MBNL2: variants seen among roughly 807,000 people sequenced by gnomAD.
MBNL2 encodes the protein muscleblind-like protein 2.
In MBNL2, 17 loss-of-function variants were observed where a neutral mutation model predicts 41.9. The ratio of observed to expected loss-of-function variants is 0.41; its 90% CI spans 0.28 to 0.61. The LOEUF (loss-of-function observed/expected upper bound fraction) is 0.61, where lower values mean the gene tolerates loss of function less well. MBNL2 is among the 20% of genes least tolerant of loss of function. The probability of loss-of-function intolerance (pLI) is 0.35; values close to 1 mark genes in which losing one functional copy is unlikely to be tolerated. For synonymous variants in MBNL2, 195 were observed against 182.9 expected, an observed-to-expected ratio of 1.07 and a Z score of -0.53; for missense variants, 336 against 505.6, an observed-to-expected ratio of 0.66 and a Z score of 3.22.
chr13:97,254,994 G>T (rs540993677), intron 1 of MBNL2, among the ~76,000 whole-genome samples: 5 of 152,294 alleles, frequency 3.3e-5, no homozygotes, highest in African/African-American at 4.8e-5. Context: ...TCCAACAAGG[G>T]TGAGTGATTC....
chr13:97,360,219 G>A (rs2063293873), intron 7 of MBNL2, among the ~76,000 whole-genome samples: 1 of 152,110 alleles, frequency 6.6e-6, no homozygotes, highest in Non-Finnish European at 1.5e-5. Flanking sequence ...ACCATTCATA[G>A]TTAAAGCTTT....
intron 1 of MBNL2, among the ~76,000 whole-genome samples, chr13:97,235,681 A>G (rs2043141102): frequency 6.6e-6 from 1 of 152,178 alleles, no homozygotes; most frequent in African/African-American, 2.4e-5. Context: ...GGTTAACAGA[A>G]TGGAGTCCTG....
chr13:97,183,845 CT>C, the MBNL2 span, among the ~76,000 whole-genome samples: 5 of 152,242 alleles, frequency 3.3e-5, no homozygotes, highest in South Asian at 2.1e-4. Flanking sequence ...TGTTGAATTG[CT>C]TCCATAAACA....
chr13:97,247,806 C>T (rs1333872935), intron 1 of MBNL2, among the ~76,000 whole-genome samples: 2 of 152,138 alleles, frequency 1.3e-5, no homozygotes, highest in Non-Finnish European at 2.9e-5. Flanking sequence ...GAATCTGCAG[C>T]CAATTAATTG....
At chr13:97,254,633 C>CCGCCT (rs1363177093) in intron 1 of MBNL2, among the ~76,000 whole-genome samples, 5 of 152,186 alleles carry the variant, frequency 3.3e-5, no homozygotes, top group African/African-American at 1.2e-4. Flanking sequence ...ACTGTTCCCC[C>CCGCCT]CGCCTCTCTT....
chr13:97,348,969 G>A (rs1026421394), intron 5 of MBNL2, among the ~76,000 whole-genome samples: 1 of 152,222 alleles, frequency 6.6e-6, no homozygotes, highest in Non-Finnish European at 1.5e-5. Flanking sequence ...GGTGCGGAGT[G>A]TGTGGTTCTA....
chr13:97,152,571 G>T, the MBNL2 span, among the ~76,000 whole-genome samples: 87 of 152,238 alleles, frequency 5.7e-4, 1 homozygote, highest in Admixed American at 1.8e-3. Flanking sequence ...TCAACATTCA[G>T]AATAGCATCA....
At chr13:97,195,380 C>T in the MBNL2 span, among the ~76,000 whole-genome samples, 3 of 152,254 alleles carry the variant, frequency 2.0e-5, no homozygotes, top group East Asian at 5.8e-4. Flanking sequence ...TCTCTCCCAA[C>T]CCTGCTCTCC....
At chr13:97,184,261 G>T in the MBNL2 span, among the ~76,000 whole-genome samples, 7 of 152,178 alleles carry the variant, frequency 4.6e-5, no homozygotes, top group Admixed American at 2.6e-4. Context: ...TCTAGTTCTT[G>T]TTACACAGAT....
At chr13:97,280,357 A>G (rs2053118299) in intron 2 of MBNL2, among the ~76,000 whole-genome samples, 1 of 152,174 alleles carries the variant, frequency 6.6e-6, no homozygotes, top group Non-Finnish European at 1.5e-5. Context: ...GGAAGTATTT[A>G]TTTGCTTAAA....
At chr13:97,245,938 A>T (rs1258503220) in intron 1 of MBNL2, among the ~76,000 whole-genome samples, 1 of 152,212 alleles carries the variant, frequency 6.6e-6, no homozygotes, top group Non-Finnish European at 1.5e-5. Flanking sequence ...GTGCCTTTAA[A>T]GCACCTACTA....
At chr13:97,186,837 C>T in the MBNL2 span, among the ~76,000 whole-genome samples, 10 of 152,176 alleles carry the variant, frequency 6.6e-5, no homozygotes, top group Admixed American at 4.6e-4. Context: ...TTTGATCATA[C>T]ACCAAAAAAA....
intron 3 of MBNL2, among the ~76,000 whole-genome samples, chr13:97,341,158 G>A (rs9554391): frequency 0.023 from 3,436 of 152,184 alleles, 127 homozygotes; most frequent in East Asian, 0.18. Flanking sequence ...CCTCACATAT[G>A]ACAATGCTCC....
chr13:97,254,818 C>T (rs1474147453), intron 1 of MBNL2, among the ~76,000 whole-genome samples: 1 of 152,124 alleles, frequency 6.6e-6, no homozygotes, highest in Non-Finnish European at 1.5e-5. Context: ...ACGACTGAAA[C>T]CCAATAGATG....
At chr13:97,251,165 G>A (rs2046425848) in intron 1 of MBNL2, among the ~76,000 whole-genome samples, 1 of 149,864 alleles carries the variant, frequency 6.7e-6, no homozygotes, top group Non-Finnish European at 1.5e-5. Context: ...ATATGGTAAT[G>A]TAGAATGCGT....
chr13:97,232,747 G>C (rs2042551463), intron 1 of MBNL2, among the ~76,000 whole-genome samples: 1 of 152,022 alleles, frequency 6.6e-6, no homozygotes, highest in African/African-American at 2.4e-5. Flanking sequence ...TTAGCCAGAA[G>C]TCCCTCCTCA....
chr13:97,162,603 T>C, the MBNL2 span, among the ~76,000 whole-genome samples: 1 of 152,166 alleles, frequency 6.6e-6, no homozygotes, highest in Non-Finnish European at 1.5e-5. Flanking sequence ...CTGGGATAGA[T>C]GTGTATCTAG....
Position 97,334,848 on chromosome 13 carries a change from G to C in MBNL2, c.339+408G>C, listed in dbSNP as rs2060739931. On this transcript the variant is annotated intron_variant, in intron 3 of 8. Transcript: ENST00000679496. This position sits in a 1 kb window ranked among gnomAD's most constrained non-coding sequence, Gnocchi z 5.3. ...ACCATTTAAAGGATGAGGAAATTGA[G>C]AAACCAGAGAAGTTCAATGATTTTC... 6.6e-6 allele frequency among the ~76,000 whole-genome samples: 1 copy of C among 152,236 alleles called. No homozygotes were observed. Among genetic ancestry groups the C allele is most frequent in the Admixed American group, 6.5e-5 (1 of 15,286 alleles).
the MBNL2 span, among the ~76,000 whole-genome samples, chr13:97,157,068 C>T: frequency 6.8e-6 from 1 of 146,644 alleles, no homozygotes; most frequent in African/African-American, 2.5e-5. Context: ...CTTTTATTTC[C>T]TTGAGCAGTG....
Sources: gnomAD v4.1 joint callset for allele counts (sites outside exome capture counted in the v4.1 genomes callset) on GRCh38, gnomAD v4.1.1 for gene constraint, Gnocchi (gnomAD v3.1) non-coding constraint, MANE v1.5 for transcripts, NCBI Gene and HGNC (gene_info 2026-07-23, HGNC 2026-07-21) for gene names.